PCDHGB1: variants seen among roughly 807,000 people sequenced by gnomAD.
PCDHGB1 encodes the protein protocadherin gamma subfamily B, 1.
A neutral mutation model predicts 56.6 loss-of-function variants in PCDHGB1; 34 were observed. That is an observed-to-expected ratio of 0.60 (90% CI 0.46 to 0.80). PCDHGB1 has a LOEUF of 0.80. Ranked by LOEUF, PCDHGB1 falls within the 30% of genes least tolerant of loss-of-function variation. The pLI is 0.00. For synonymous variants in PCDHGB1, 561 were observed against 505.9 expected (o/e 1.11, Z -1.46); for missense variants, 1,278 against 1,204.6 (o/e 1.06, Z -0.90).
chr5:141,419,748 G>T, intron 1 of PCDHGB1: 1 of 1,613,872 alleles, frequency 6.2e-7, no homozygotes, highest in Non-Finnish European at 8.5e-7. Flanking sequence ...CGCATGGTGC[G>T]TGCTTTGGGT....
Position 141,350,601 on chromosome 5 carries a change from T to C in PCDHGB1, c.341T>C (p.Phe114Ser). The C allele has an allele frequency of 6.2e-7, 1 of 1,614,050 alleles. No individual in the cohort carries two copies. Among genetic ancestry groups the C allele is most frequent in the Non-Finnish European group, 8.5e-7 (1 of 1,179,906 alleles). ...GTCGCTGAAAACCCAATGAATGTTT[T>C]CCACGTGGTTGTTGTAATCCAAGAT... ...ETVAENPMNV[F>S]HVVVVIQDIN... The change falls in exon 1 of 4, where the codon TTC (phenylalanine) becomes TCC (serine). Residue 114 changes from phenylalanine to serine, a missense_variant. Coordinates refer to ENST00000523390, the MANE Select transcript of PCDHGB1 (RefSeq NM_018922.3).
chr5:141,356,987 GA>G, intron 1 of PCDHGB1: 1 of 1,614,186 alleles, frequency 6.2e-7, no homozygotes, highest in Non-Finnish European at 8.5e-7. Context: ...GCAGTGGACA[GA>G]GACTCAGGTC....
At chr5:141,384,368 C>A (rs748304499) in intron 1 of PCDHGB1, 3 of 1,613,790 alleles carry the variant, frequency 1.9e-6, no homozygotes, top group Non-Finnish European at 2.5e-6. Flanking sequence ...ATCACTTATT[C>A]CTTGGCCGAA....
chr5:141,490,321 G>C lies in PCDHGB1; in HGVS notation c.2410-4486G>C. On this transcript the variant is annotated intron_variant, in intron 1 of 3. Coordinates refer to ENST00000523390, the MANE Select transcript of PCDHGB1 (RefSeq NM_018922.3). The surrounding 1 kb of genome is among the most constrained non-coding windows in gnomAD (Gnocchi z 5.4). ...GGCCTCTTTGGCCAACCCTGTCCTA[G>C]AGAGCACACCAGTGGGCACAGTAGT... 1.2e-6 allele frequency: 2 copies of C among 1,614,220 alleles called. No homozygotes were observed. The highest frequency in any genetic ancestry group is 1.7e-6 in the Non-Finnish European group (2 of 1,180,044).
chr5:141,394,177 C>T (rs2092934633), intron 1 of PCDHGB1: 1 of 1,613,912 alleles, frequency 6.2e-7, no homozygotes, highest in East Asian at 2.2e-5. Context: ...TTCCCTCATG[C>T]CTCCTACTCA....
chr5:141,500,877 A>ATTT (rs369345007), intron 2 of PCDHGB1, among the ~76,000 whole-genome samples: 1 of 122,288 alleles, frequency 8.2e-6, no homozygotes, highest in Admixed American at 8.0e-5. Context: ...TTCATTTACA[A>ATTT]TTTTTTTTTT....
At chr5:141,478,133 G>T (rs769287158) in intron 1 of PCDHGB1, 1 of 1,614,060 alleles carries the variant, frequency 6.2e-7, no homozygotes, top group Non-Finnish European at 8.5e-7. Flanking sequence ...CTCTCCTGAA[G>T]CCCGAGCCGA....
chr5:141,467,602 A>G (rs981250164), intron 1 of PCDHGB1, among the ~76,000 whole-genome samples: 3 of 152,216 alleles, frequency 2.0e-5, no homozygotes, highest in Non-Finnish European at 4.4e-5. Flanking sequence ...TAAGCACTTC[A>G]TCTTTGTCCC....
At chr5:141,427,929 T>A in intron 1 of PCDHGB1, 1 of 1,582,776 alleles carries the variant, frequency 6.3e-7, no homozygotes, top group South Asian at 1.1e-5. Flanking sequence ...CCGGCGCATG[T>A]TGGTGGGCGA....
chr5:141,468,505 C>A (rs1293623271), intron 1 of PCDHGB1: 1 of 152,020 alleles, frequency 6.6e-6, no homozygotes, highest in East Asian at 1.9e-4. Context: ...TTCATGTGGA[C>A]AAATTTAGTA....
At position 141,426,439 on chromosome 5, in the gene PCDHGB1, G is replaced by C. The variant is rs149215795; in HGVS notation, c.2410-68368G>C. On this transcript the variant is annotated intron_variant, in intron 1 of 3. Transcript: ENST00000523390. ...GGGCTCCGTGGTGGGGAACCTTGCG[G>C]AGGACATGCGGCTGCATGTTCAGGA... 7.8e-4 allele frequency: 237 copies of C among 302,398 alleles called. 1 individual carries two copies. The highest frequency in any genetic ancestry group is 4.6e-3 in the African/African-American group (214 of 46,260). The allele number at this position is 302,398 out of a possible 1,614,324, so 18.7% of individuals were successfully genotyped here.
rs757674087 is a variant in PCDHGB1 at position 141,356,453 on chromosome 5, A to G, written c.2409+3784A>G. 46 of 1,613,242 alleles carry G rather than the reference A, an allele frequency of 2.9e-5. No individual in the cohort carries two copies. Among genetic ancestry groups the G allele is most frequent in the Admixed American group, 1.3e-4 (8 of 59,874 alleles). On this transcript the variant is annotated intron_variant, in intron 1 of 3. Coordinates refer to ENST00000523390, the MANE Select transcript of PCDHGB1 (RefSeq NM_018922.3). ...CTGGACAGGGAAGAAGTCTCAGAAT[A>G]TAACATCACTGTAACTGCCACTGAC...
intron 1 of PCDHGB1, chr5:141,418,060 A>G (rs2096216821): frequency 1.2e-6 from 2 of 1,613,850 alleles, no homozygotes; most frequent in Admixed American, 1.7e-5. Flanking sequence ...GCGAGCTGCG[A>G]GTGAGCGCGG....
At chr5:141,479,953 CAGTT>C (rs1198160373) in intron 1 of PCDHGB1, among the ~76,000 whole-genome samples, 1 of 152,182 alleles carries the variant, frequency 6.6e-6, no homozygotes, top group African/African-American at 2.4e-5. Flanking sequence ...TTGGATTTGG[CAGTT>C]AGTCAAATGA....
intron 1 of PCDHGB1, among the ~76,000 whole-genome samples, chr5:141,455,095 A>G (rs910300076): frequency 2.6e-5 from 4 of 151,836 alleles, no homozygotes; most frequent in African/African-American, 9.7e-5. Flanking sequence ...TACAGGCTTG[A>G]GCCACTGCGC....
At chr5:141,376,522 G>C in intron 1 of PCDHGB1, 1 of 1,613,784 alleles carries the variant, frequency 6.2e-7, no homozygotes, top group Non-Finnish European at 8.5e-7. Context: ...GTTTCTTTCC[G>C]CCTAAGCGGG....
At chr5:141,494,780 G>A (rs1314622459) in intron 1 of PCDHGB1, 27 bp from the exon 2 acceptor site, 13 of 1,613,898 alleles carry the variant, frequency 8.1e-6, no homozygotes, top group African/African-American at 1.3e-5. Context: ...CGGGTACTCA[G>A]CCCCTTTCCC....
chr5:141,357,981 G>C (rs1413187793), intron 1 of PCDHGB1, among the ~76,000 whole-genome samples: 1 of 152,130 alleles, frequency 6.6e-6, no homozygotes, highest in Non-Finnish European at 1.5e-5. Context: ...CCTGAGCTCA[G>C]GAGTTCGAGA....
chr5:141,367,460 C>A (rs1765144116), intron 1 of PCDHGB1: 1 of 152,002 alleles, frequency 6.6e-6, no homozygotes, highest in African/African-American at 2.4e-5. Flanking sequence ...TGGGGTGAAC[C>A]CGGGAGGAGG....
Sources: gnomAD v4.1 joint callset for allele counts (sites outside exome capture counted in the v4.1 genomes callset) on GRCh38, gnomAD v4.1.1 for gene constraint, Gnocchi (gnomAD v3.1) non-coding constraint, MANE v1.5 for transcripts, NCBI Gene and HGNC (gene_info 2026-07-23, HGNC 2026-07-21) for gene names.